The following MSR1 variants were observed in gnomAD, a reference collection of about 807,000 sequenced individuals.
MSR1 encodes the protein macrophage scavenger receptor 1, also known as macrophage scavenger receptor types I and II.
Under a neutral mutation model 47.2 loss-of-function variants are expected in MSR1, and 53 were observed. The observed-to-expected ratio is 1.12, with a 90% CI of 0.90 to 1.41. The LOEUF is 1.41. Among genes scored for constraint, MSR1 ranks in the 40% most tolerant of loss-of-function variants. The pLI is 0.00. For missense variants in MSR1, 786 were observed against 546.9 expected (o/e 1.44, Z -4.36); for synonymous variants, 239 against 185.6 (o/e 1.29, Z -2.34).
intron 8 of MSR1, among the ~76,000 whole-genome samples, chr8:16,134,647 T>C (rs1417369279): frequency 2.6e-5 from 4 of 151,900 alleles, no homozygotes; most frequent in Admixed American, 2.6e-4. Flanking sequence ...AAAGGAAGAG[T>C]GGCACATCTC....
intron 8 of MSR1, among the ~76,000 whole-genome samples, chr8:16,139,122 T>C (rs382595): frequency 0.038 from 5,852 of 152,294 alleles, 332 homozygotes; most frequent in African/African-American, 0.13. Flanking sequence ...TGCAATCTGG[T>C]CACACTTGCA....
rs1800658943 is a variant in MSR1 at position 16,144,949 on chromosome 8, C to T, written c.980-1338G>A. Among the ~76,000 whole-genome samples, 4 of 151,492 alleles carry T rather than the reference C, an allele frequency of 2.6e-5. No homozygotes were observed. In the South Asian group the frequency reaches 8.3e-4, roughly 31 times the overall value. On this transcript the variant is annotated intron_variant, in intron 7 of 9. Coordinates refer to ENST00000262101, the MANE Select transcript of MSR1 (RefSeq NM_138715.3). ...GTCTTCATCTGTGCTTTATTTTGAACATGTGTCATTATGTATTTCTTAGAG... is the reference window on the plus strand; with the variant it reads ...GTCTTCATCTGTGCTTTATTTTGAATATGTGTCATTATGTATTTCTTAGAG...
chr8:16,120,616 T>A lies in MSR1; in HGVS notation c.1034-10A>T, dbSNP rs75111389. 3.2e-3 allele frequency: 3,814 copies of A among 1,197,762 alleles called. 151 individuals carry two copies. The Admixed American group carries it at 0.038, about 12-fold the overall frequency. 74.2% of individuals were successfully genotyped at this position (1,197,762 alleles called of 1,614,324 possible). ...ACTTTCGTAAATGGAGCTGTAAAGT[T>A]AAAAAAAAAAAAAAAAAAAAAAAAA... On this transcript the variant is annotated splice_polypyrimidine_tract_variant and intron_variant, in intron 8 of 9. Coordinates refer to ENST00000262101, the MANE Select transcript of MSR1 (RefSeq NM_138715.3).
At chr8:16,140,801 T>A in intron 8 of MSR1, 1 of 1,502,642 alleles carries the variant, frequency 6.7e-7, no homozygotes, top group Non-Finnish European at 8.8e-7. Flanking sequence ...AGAAGAGGTA[T>A]GAGCATGGGA....
intron 8 of MSR1, among the ~76,000 whole-genome samples, chr8:16,121,847 TTC>T (rs143260202): frequency 0.02 from 2,983 of 151,970 alleles, 112 homozygotes; most frequent in African/African-American, 0.067. Context: ...ATTCAGTAAC[TTC>T]TTTTTCTCCA....
chr8:16,139,241 T>A, intron 8 of MSR1: 2 of 982,264 alleles, frequency 2.0e-6, no homozygotes, highest in Non-Finnish European at 2.4e-6. Flanking sequence ...CTATTCTGAT[T>A]ACAGATTAAA....
intron 8 of MSR1, among the ~76,000 whole-genome samples, chr8:16,123,166 C>A (rs1003210751): frequency 2.0e-5 from 3 of 152,020 alleles, no homozygotes; most frequent in African/African-American, 4.8e-5. Flanking sequence ...TTCTTTAGGG[C>A]CAAATATGCT....
At chr8:16,170,739 G>C (rs1801460955) in intron 3 of MSR1, among the ~76,000 whole-genome samples, 1 of 152,066 alleles carries the variant, frequency 6.6e-6, no homozygotes, top group South Asian at 2.1e-4. Context: ...ACAGCTTGGT[G>C]TTTACATAGG....
chr8:16,128,344 T>A (rs1585142393), intron 8 of MSR1, among the ~76,000 whole-genome samples: 2 of 152,010 alleles, frequency 1.3e-5, no homozygotes, highest in Middle Eastern at 6.8e-3. Context: ...TTCAATTAGG[T>A]CATAAGGGCA....
At chr8:16,177,855 C>G in intron 2 of MSR1, 31 bp downstream of exon 2, 1 of 1,560,824 alleles carries the variant, frequency 6.4e-7, no homozygotes, top group African/African-American at 1.4e-5. Context: ...TAAGAACAAC[C>G]TCCATGGGCA....
rs1482847849 is a variant in MSR1 at position 16,155,083 on chromosome 8, T to G, written c.879A>C (p.Arg293=). ...DRGPTGESGP[R]GFPGPIGPPG... is the part of the protein sequence containing the mutation. The stretch of plus-strand genomic sequence containing the variant: ...CCATACCTATTGGACCTGGAAATCC[T>G]CGTGGACCACTTTCTCCAGTGGGAC... The change falls in exon 6 of 10, where the codon CGA becomes CGC. Residue 293 remains arginine (R), a synonymous_variant. Coordinates refer to ENST00000262101, the MANE Select transcript of MSR1 (RefSeq NM_138715.3). The G allele has an allele frequency of 6.2e-7, 1 of 1,612,118 alleles. No homozygotes were observed. The highest frequency in any genetic ancestry group is 8.5e-7 in the Non-Finnish European group (1 of 1,178,650).
chr8:16,141,945 A>G (rs1476579918), intron 8 of MSR1, among the ~76,000 whole-genome samples: 3 of 152,320 alleles, frequency 2.0e-5, no homozygotes, highest in African/African-American at 4.8e-5. Flanking sequence ...TAAAGATAAC[A>G]TAAGGATAAG....
chr8:16,180,098 C>G (rs1230289877), intron 1 of MSR1, among the ~76,000 whole-genome samples: 1 of 148,832 alleles, frequency 6.7e-6, no homozygotes, highest in South Asian at 2.1e-4. Context: ...CTCTCTTTCT[C>G]TCTGTCTGTC....
At chr8:16,162,846 T>C (rs1801199321) in intron 5 of MSR1, among the ~76,000 whole-genome samples, 3 of 151,922 alleles carry the variant, frequency 2.0e-5, no homozygotes, top group Admixed American at 2.0e-4. Flanking sequence ...TCTCTTTGCT[T>C]TCCCTGGTCC....
At chr8:16,163,894 C>T (rs1173832702) in intron 5 of MSR1, among the ~76,000 whole-genome samples, 171 bp downstream of exon 5, 1 of 151,836 alleles carries the variant, frequency 6.6e-6, no homozygotes, top group African/African-American at 2.4e-5. Context: ...TACTGGTTAT[C>T]GTACCCTGTC....
In MSR1 at chr8:16,139,287, C is replaced by T. The variant is rs916018656; in HGVS notation, c.1033+4271G>A. On this transcript the variant is annotated intron_variant, in intron 8 of 9. Coordinates refer to ENST00000262101, the MANE Select transcript of MSR1 (RefSeq NM_138715.3). The stretch of plus-strand genomic sequence containing the variant: ...TTATACCAGCGGGGAAAAGCTATTC[C>T]AGTTCAGAGAGATCACTGCGAAGCA... The T allele has an allele frequency of 5.1e-5, 50 of 984,346 alleles. 2 individuals are homozygous for T. The highest frequency in any genetic ancestry group is 1.4e-4 in the African/African-American group (8 of 57,196). 61.0% of individuals were successfully genotyped at this position (984,346 alleles called of 1,614,324 possible). A position where few individuals can be genotyped will look rare whatever the true frequency, so the allele number is the denominator to read the frequency against.
At chr8:16,164,452 A>C (rs1471669590) in intron 4 of MSR1, among the ~76,000 whole-genome samples, 1 of 151,938 alleles carries the variant, frequency 6.6e-6, no homozygotes, top group Non-Finnish European at 1.5e-5. Flanking sequence ...TGAATGGCTG[A>C]ATGTTTACAA....
At position 16,134,538 on chromosome 8, in the gene MSR1, C is replaced by T. The variant is rs573829167; in HGVS notation, c.1033+9020G>A. The stretch of plus-strand genomic sequence containing the variant: ...ACCAACTGGCTGTTCCCCCTTCTGT[C>T]TCTCTTCCTCTCCTCAGGCATCCCT... On this transcript the variant is annotated intron_variant, in intron 8 of 9. Transcript: ENST00000262101. 7.2e-5 allele frequency among the ~76,000 whole-genome samples: 11 copies of T among 152,122 alleles called. No homozygotes were observed. In the South Asian group the frequency reaches 2.3e-3, roughly 32 times the overall value.
intron 8 of MSR1, among the ~76,000 whole-genome samples, chr8:16,136,923 A>C (rs1234715078): frequency 6.6e-6 from 1 of 151,976 alleles, no homozygotes; most frequent in Admixed American, 6.6e-5. Context: ...AGCTCTAAAC[A>C]CCATGTAACT....
Sources: allele counts gnomAD v4.1 joint callset (sites outside exome capture counted in the v4.1 genomes callset), GRCh38; gene constraint gnomAD v4.1.1; transcripts MANE v1.5; gene names NCBI Gene and HGNC (gene_info 2026-07-23, HGNC 2026-07-21).